The following KALRN variants were observed in gnomAD, a reference collection of about 807,000 sequenced individuals.
The protein encoded by KALRN is kalirin RhoGEF kinase.
KALRN carries 70 observed loss-of-function variants against 353.7 expected under a neutral mutation model. That is an observed-to-expected ratio of 0.20 (90% CI 0.16 to 0.24). The LOEUF is 0.24. KALRN is among the 10% of genes least tolerant of loss of function. The probability of loss-of-function intolerance (pLI) is 1.00; values close to 1 mark genes in which losing one functional copy is unlikely to be tolerated. For synonymous variants in KALRN, 1,391 were observed against 1,434.8 expected (o/e 0.97, Z 0.69); for missense variants, 2,791 against 3,756.7 (o/e 0.74, Z 6.72).
chr3:124,667,113 C>T lies in KALRN; in HGVS notation c.6633C>T (p.Asn2211=), dbSNP rs2289419. 0.027 allele frequency: 44,270 copies of T among 1,613,894 alleles called. 837 individuals carry two copies. Among genetic ancestry groups the T allele is most frequent in the East Asian group, 0.094 (4,208 of 44,866 alleles). Residue 2211 remains asparagine, a synonymous_variant, in exon 47 of 60, where the codon AAC becomes AAT. Coordinates refer to ENST00000682506, the MANE Select transcript of KALRN (RefSeq NM_001388419.1). ...AGAGGGTTGTTCTGCAAGCCGCCAA[C>T]GCTGACATCCAGCAGGCCTGGGTGC... ...TSERVVLQAA[N]ADIQQAWVQD...
chr3:124,061,480 A>G (rs1242137227), intron 1 of KALRN, among the ~76,000 whole-genome samples: 1 of 152,228 alleles, frequency 6.6e-6, no homozygotes, highest in Non-Finnish European at 1.5e-5. Context: ...TCTGGGTGTC[A>G]TCCAGCTTTT....
At chr3:124,565,747 C>G (rs935179574) in intron 34 of KALRN, among the ~76,000 whole-genome samples, 1 of 152,156 alleles carries the variant, frequency 6.6e-6, no homozygotes, top group Non-Finnish European at 1.5e-5. Context: ...TGCACTCCCT[C>G]CCTGCTGGGG....
intron 34 of KALRN, among the ~76,000 whole-genome samples, chr3:124,597,765 TG>T (rs2076406952): frequency 6.7e-6 from 1 of 149,534 alleles, no homozygotes; most frequent in South Asian, 2.1e-4. Flanking sequence ...TTGGAGCTAT[TG>T]TTTTGAAATG....
At position 124,629,375 on chromosome 3, in the gene KALRN, T is replaced by TAAC. The variant is rs577872181; in HGVS notation, c.5183-3033_5183-3031dup. On this transcript the variant is annotated intron_variant, in intron 34 of 59. Coordinates refer to ENST00000682506, the MANE Select transcript of KALRN (RefSeq NM_001388419.1). ...CCAAGATTCGTTAAAAACAAAGCAG[T>TAAC]AACAACAACAACAAAAAAAACTCTT... Among the ~76,000 whole-genome samples, 660 of 152,000 alleles carry TAAC rather than the reference T, an allele frequency of 4.3e-3. 3 individuals carry two copies. Among genetic ancestry groups the TAAC allele is most frequent in the African/African-American group, 0.015 (626 of 41,344 alleles).
At chr3:124,235,501 G>GTTTATGTATA (rs11281060) in intron 3 of KALRN, among the ~76,000 whole-genome samples, 2 of 151,974 alleles carry the variant, frequency 1.3e-5, no homozygotes, top group African/African-American at 2.4e-5. Context: ...CAAGGACATA[G>GTTTATGTATA]TTGAGACGGA....
intron 1 of KALRN, among the ~76,000 whole-genome samples, chr3:124,188,211 C>T (rs936577721): frequency 6.6e-6 from 1 of 152,186 alleles, no homozygotes; most frequent in Admixed American, 6.5e-5. Context: ...GATTGCTAGG[C>T]CTCACCACCA....
chr3:124,702,847 T>G (rs144701538), intron 57 of KALRN, among the ~76,000 whole-genome samples: 2 of 152,190 alleles, frequency 1.3e-5, no homozygotes, highest in African/African-American at 4.8e-5. Flanking sequence ...GAACATTTAG[T>G]GTGTCCTCAA....
intron 1 of KALRN, among the ~76,000 whole-genome samples, chr3:124,070,858 C>T (rs914948465): frequency 2.0e-5 from 3 of 152,170 alleles, no homozygotes; most frequent in Non-Finnish European, 2.9e-5. Flanking sequence ...TTCTGGGTCT[C>T]AGTTTTGCCA....
chr3:124,146,231 CT>C (rs549010534), intron 1 of KALRN, among the ~76,000 whole-genome samples: 130 of 152,350 alleles, frequency 8.5e-4, no homozygotes, highest in African/African-American at 3.0e-3. Flanking sequence ...GTCCATGGAA[CT>C]GCTCTGCCAA....
chr3:124,333,273 A>G (rs566290139), intron 8 of KALRN, among the ~76,000 whole-genome samples: 1 of 152,364 alleles, frequency 6.6e-6, no homozygotes, highest in South Asian at 2.1e-4. Context: ...CAGACAAACC[A>G]TATCAATGGT....
At chr3:124,559,591 C>A (rs1287957553) in intron 33 of KALRN, among the ~76,000 whole-genome samples, 1 of 152,168 alleles carries the variant, frequency 6.6e-6, no homozygotes, top group African/African-American at 2.4e-5. Flanking sequence ...AGAGAAGAAT[C>A]AAAAACATAA....
rs33947722 is a variant in KALRN, at chr3:124,047,491, C to CT, written c.73+13697dup. 9.3e-3 allele frequency among the ~76,000 whole-genome samples: 1,005 copies of CT among 108,492 alleles called. 17 individuals carry two copies. Among genetic ancestry groups the CT allele is most frequent in the Admixed American group, 0.01 (109 of 10,426 alleles). The allele number at this position is 108,492 out of a possible 152,430, so 71.2% of individuals were successfully genotyped here. A position where few individuals can be genotyped will look rare whatever the true frequency, so the allele number is the denominator to read the frequency against. ...ATTTTAGGTATACCTTCATAGAACA[C>CT]TTTTTTTTTTTTTTTTTTTGAGATG... is the stretch of plus-strand genomic sequence containing the variant. On this transcript the variant is annotated intron_variant, in intron 1 of 59. Transcript: ENST00000682506.
chr3:124,223,031 G>A (rs1378967136), intron 1 of KALRN, among the ~76,000 whole-genome samples: 1 of 151,750 alleles, frequency 6.6e-6, no homozygotes, highest in Non-Finnish European at 1.5e-5. Flanking sequence ...CAAGGCTTTA[G>A]GACTCATCTT....
chr3:124,229,396 G>A (rs1236010359), intron 2 of KALRN, among the ~76,000 whole-genome samples: 1 of 152,248 alleles, frequency 6.6e-6, no homozygotes, highest in Non-Finnish European at 1.5e-5. Context: ...GGCAGAGGCT[G>A]GGATAGACAG....
rs527655297 is a variant in KALRN at position 124,151,599 on chromosome 3, C to G, written c.74-76391C>G. ...TCTTTATGCATTCTGAATATGAGTCCTTTGTGGAATATATGTATTATGAAT... is the reference window on the plus strand; with the variant it reads ...TCTTTATGCATTCTGAATATGAGTCGTTTGTGGAATATATGTATTATGAAT... On this transcript the variant is annotated intron_variant, in intron 1 of 59. Coordinates refer to ENST00000682506, the MANE Select transcript of KALRN (RefSeq NM_001388419.1). Among the ~76,000 whole-genome samples, 6 of 152,074 alleles carry G rather than the reference C, an allele frequency of 3.9e-5. No individual in the cohort carries two copies. The East Asian group carries it at 9.7e-4, about 24-fold the overall frequency.
At chr3:124,238,192 G>T (rs927941126) in intron 3 of KALRN, among the ~76,000 whole-genome samples, 2 of 152,060 alleles carry the variant, frequency 1.3e-5, no homozygotes, top group African/African-American at 4.8e-5. Context: ...TGTCTCCACA[G>T]TTGAAGGAAT....
intron 33 of KALRN, among the ~76,000 whole-genome samples, chr3:124,554,253 G>C (rs2109656134): frequency 6.6e-6 from 1 of 152,348 alleles, no homozygotes; most frequent in South Asian, 2.1e-4. Context: ...CTACTTGGGA[G>C]GCAGAGGCAG....
In KALRN at chr3:124,661,443, G is replaced by A. The variant is rs180947269; in HGVS notation, c.6268-408G>A. Among the ~76,000 whole-genome samples, 109 of 152,340 alleles carry A rather than the reference G, an allele frequency of 7.2e-4. 1 individual carries two copies. The highest frequency in any genetic ancestry group is 3.4e-3 in the Middle Eastern group (1 of 294). ...TATGGGATTATTTTAAGCCAGGGAG[G>A]TTACAGACCATTCTGACAGATTATT... is the stretch of plus-strand genomic sequence containing the variant. On this transcript the variant is annotated intron_variant, in intron 44 of 59. Transcript: ENST00000682506.
At chr3:124,439,198 TCTCACACACACACACACA>T (rs1341964334) in intron 18 of KALRN, among the ~76,000 whole-genome samples, 161 bp downstream of exon 18, 3 of 125,456 alleles carry the variant, frequency 2.4e-5, no homozygotes, top group Non-Finnish European at 4.9e-5. Flanking sequence ...TCTCTCTCTC[TCTCACACACACACACACA>T]CACACACACA....
Sources: gnomAD v4.1 joint callset for allele counts (sites outside exome capture counted in the v4.1 genomes callset) on GRCh38, gnomAD v4.1.1 for gene constraint, MANE v1.5 for transcripts, NCBI Gene and HGNC (gene_info 2026-07-23, HGNC 2026-07-21) for gene names.